Variants in CCDC60 observed in about 807,000 individuals in gnomAD.
CCDC60 encodes coiled-coil domain-containing protein 60.
Under a neutral mutation model 63.5 loss-of-function variants are expected in CCDC60, and 54 were observed. The ratio of observed to expected loss-of-function variants is 0.85; its 90% confidence interval spans 0.68 to 1.07. The LOEUF (loss-of-function observed/expected upper bound fraction) is 1.07, where lower values mean the gene tolerates loss of function less well. Ranked by LOEUF, CCDC60 falls within the 50% of genes least tolerant of loss-of-function variation. The pLI is 0.00. For missense variants in CCDC60, 651 were observed against 684.3 expected, an observed-to-expected ratio of 0.95 and a Z score of 0.54; for synonymous variants, 206 against 238.8, an observed-to-expected ratio of 0.86 and a Z score of 1.27.
chr12:119,470,019 G>A (rs1354382895), intron 2 of CCDC60, among the ~76,000 whole-genome samples: 2 of 152,114 alleles, frequency 1.3e-5, no homozygotes, highest in Non-Finnish European at 2.9e-5. Flanking sequence ...AAGGCCCTGC[G>A]CCATGTTTCC....
rs1351464139 is a variant in CCDC60, at chr12:119,348,840, A to AT, written c.90+13579dup. 3.3e-5 allele frequency among the ~76,000 whole-genome samples: 5 copies of AT among 152,282 alleles called. No individual in the cohort carries two copies. In the East Asian group the frequency reaches 9.7e-4, roughly 29 times the overall value. On this transcript the variant is annotated intron_variant, in intron 1 of 13. Transcript: ENST00000327554. ...TCTCTCAAGGTCGTCCTGGAGGTATATTTTTGTATTCTCCATGAGGTTAAA... is the reference window on the plus strand; with the variant it reads ...TCTCTCAAGGTCGTCCTGGAGGTATATTTTTTGTATTCTCCATGAGGTTAAA...
chr12:119,500,634 G>A (rs1248683357), intron 6 of CCDC60, among the ~76,000 whole-genome samples: 8 of 150,538 alleles, frequency 5.3e-5, no homozygotes, highest in South Asian at 2.1e-4. Context: ...CAGGAGGATC[G>A]CTTGAGCCCA....
chr12:119,536,594 T>C (rs1244813220), intron 13 of CCDC60, among the ~76,000 whole-genome samples: 1 of 152,224 alleles, frequency 6.6e-6, no homozygotes, highest in East Asian at 1.9e-4. Context: ...TCAGGCACTG[T>C]TGTAAGGCAG....
At chr12:119,478,367 C>T (rs1030082534) in intron 3 of CCDC60, among the ~76,000 whole-genome samples, 7 of 151,648 alleles carry the variant, frequency 4.6e-5, no homozygotes, top group African/African-American at 1.7e-4. Flanking sequence ...ACCACCCCCC[C>T]CCAAAAAAAA....
At chr12:119,386,890 C>T (rs1956069404) in intron 1 of CCDC60, among the ~76,000 whole-genome samples, 1 of 152,112 alleles carries the variant, frequency 6.6e-6, no homozygotes. Flanking sequence ...TGATTAGGAG[C>T]AGAGCCGGTG....
chr12:119,498,573 T>G (rs929097605), intron 5 of CCDC60, among the ~76,000 whole-genome samples: 2 of 152,108 alleles, frequency 1.3e-5, no homozygotes, highest in Non-Finnish European at 2.9e-5. Context: ...CTCATCTCAG[T>G]TGATCTGCCT....
chr12:119,504,904 A>G (rs1951949952), intron 6 of CCDC60, among the ~76,000 whole-genome samples, 165 bp from the exon 7 acceptor site: 1 of 152,160 alleles, frequency 6.6e-6, no homozygotes, highest in Non-Finnish European at 1.5e-5. Context: ...CAGATCCAGA[A>G]TATATCTCAT....
At chr12:119,355,962 C>T (rs1955713286) in intron 1 of CCDC60, among the ~76,000 whole-genome samples, 1 of 152,160 alleles carries the variant, frequency 6.6e-6, no homozygotes, top group Admixed American at 6.5e-5. Flanking sequence ...CCTCAATTTA[C>T]TCCAGTGTCC....
intron 1 of CCDC60, among the ~76,000 whole-genome samples, chr12:119,426,015 C>T (rs536035583): frequency 5.3e-5 from 8 of 152,260 alleles, no homozygotes; most frequent in East Asian, 1.9e-4. Flanking sequence ...GTGAGACAAA[C>T]GAATGTTCAT....
intron 1 of CCDC60, among the ~76,000 whole-genome samples, chr12:119,352,492 T>G (rs1388636693): frequency 1.3e-5 from 2 of 152,220 alleles, no homozygotes; most frequent in African/African-American, 4.8e-5. Context: ...TAAATATGTT[T>G]ATAAGATGTT....
chr12:119,539,116 G>T (rs977852154), intron 13 of CCDC60, among the ~76,000 whole-genome samples: 1 of 152,308 alleles, frequency 6.6e-6, no homozygotes, highest in East Asian at 1.9e-4. Context: ...TCTCCCATAT[G>T]AGGTGTCTGT....
At position 119,522,937 on chromosome 12, in the gene CCDC60, A is replaced by T. The variant is rs1264851962; in HGVS notation, c.1041-2A>T. The stretch of plus-strand genomic sequence containing the variant: ...ACTTGAAACCATCCTTTTGTGTTTC[A>T]GTGAGAGATCCAGCAGTACAAGTGC... On this transcript the variant is annotated splice_acceptor_variant, in intron 9 of 13. Coordinates refer to ENST00000327554, the MANE Select transcript of CCDC60 (RefSeq NM_178499.5). LOFTEE classifies it high-confidence loss of function. 6.2e-7 allele frequency: 1 copy of T among 1,614,054 alleles called. No homozygotes were observed. The highest frequency in any genetic ancestry group is 1.1e-5 in the South Asian group (1 of 91,084).
intron 1 of CCDC60, among the ~76,000 whole-genome samples, chr12:119,372,881 A>G (rs576550034): frequency 2.0e-5 from 3 of 152,354 alleles, no homozygotes; most frequent in Admixed American, 1.3e-4. Flanking sequence ...TGCATTAGGA[A>G]AACTCTAACA....
chr12:119,454,097 A>G (rs1055062079), intron 2 of CCDC60, among the ~76,000 whole-genome samples: 2 of 152,206 alleles, frequency 1.3e-5, no homozygotes, highest in African/African-American at 2.4e-5. Flanking sequence ...AAGATGACTC[A>G]CAGACATTGA....
At chr12:119,391,205 C>A (rs1565981952) in intron 1 of CCDC60, among the ~76,000 whole-genome samples, 1 of 152,210 alleles carries the variant, frequency 6.6e-6, no homozygotes, top group African/African-American at 2.4e-5. Flanking sequence ...GTAGGACCAG[C>A]AGCACCTACT....
At chr12:119,351,247 G>A (rs1303255198) in intron 1 of CCDC60, among the ~76,000 whole-genome samples, 2 of 152,166 alleles carry the variant, frequency 1.3e-5, no homozygotes, top group Non-Finnish European at 2.9e-5. Context: ...CTCAAAGTGG[G>A]TAAGAATTGA....
intron 1 of CCDC60, among the ~76,000 whole-genome samples, chr12:119,396,020 C>A (rs1424628166): frequency 3.9e-5 from 6 of 152,228 alleles, no homozygotes; most frequent in Middle Eastern, 3.4e-3. Context: ...TCACTGCAAC[C>A]TCTGCCTCCC....
At chr12:119,496,965 C>CA (rs942717526) in intron 5 of CCDC60, among the ~76,000 whole-genome samples, 116 of 151,998 alleles carry the variant, frequency 7.6e-4, no homozygotes, top group African/African-American at 2.7e-3. Flanking sequence ...CAGTTTAAGG[C>CA]AAAAAAAGCT....
chr12:119,528,669 T>C lies in CCDC60; in HGVS notation c.1284T>C (p.Asn428=), dbSNP rs1002263843. The C allele has an allele frequency of 2.0e-5, 33 of 1,614,028 alleles. No homozygotes were observed. The highest frequency in any genetic ancestry group is 2.5e-5 in the Non-Finnish European group (29 of 1,179,978). ...TCCGTGCTTTTGTCCTTGTCTCAAA[T>C]TTTCAAAAGGACATAGCAAAAATGA... ...QKFRAFVLVS[N]FQKDIAKMRH... The change falls in exon 12 of 14, where the codon AAT becomes AAC. Residue 428 remains asparagine (N), a synonymous_variant. Coordinates refer to ENST00000327554, the MANE Select transcript of CCDC60 (RefSeq NM_178499.5).
Sources: gnomAD v4.1 joint callset for allele counts (sites outside exome capture counted in the v4.1 genomes callset) on GRCh38, gnomAD v4.1.1 for gene constraint, MANE v1.5 for transcripts, NCBI Gene and HGNC (gene_info 2026-07-23, HGNC 2026-07-21) for gene names.